Variants in GPC5 observed in about 807,000 individuals in gnomAD.
GPC5 encodes the protein glypican-5.
GPC5 carries 47 observed loss-of-function variants against 53.9 expected under a neutral mutation model. That is an observed-to-expected ratio of 0.87 (90% CI 0.69 to 1.11). GPC5 has a LOEUF of 1.11. GPC5 is among the 50% of genes most tolerant of loss of function. The pLI is 0.00. For synonymous variants in GPC5, 286 were observed against 263.3 expected, an observed-to-expected ratio of 1.09 and a Z score of -0.84; for missense variants, 748 against 713.1, an observed-to-expected ratio of 1.05 and a Z score of -0.56.
At chr13:92,766,324 C>G (rs1875403667) in intron 7 of GPC5, among the ~76,000 whole-genome samples, 2 of 147,214 alleles carry the variant, frequency 1.4e-5, no homozygotes, top group South Asian at 4.6e-4. Flanking sequence ...GTAGATCTTT[C>G]ATAAAAACCA....
intron 2 of GPC5, among the ~76,000 whole-genome samples, chr13:91,585,810 G>C (rs892921325): frequency 6.6e-6 from 1 of 152,146 alleles, no homozygotes. Context: ...TACGTCTTCT[G>C]AGGTTTTCTC....
At position 91,794,749 on chromosome 13, in the gene GPC5, G is replaced by A. The variant is rs543224062; in HGVS notation, c.1280+38329G>A. On this transcript the variant is annotated intron_variant, in intron 5 of 7. Transcript: ENST00000377067. ...ACCCTGGTTCAAGGACAAATCCTGAGTCTGCTCAAACAGTGCAGTGGGCTA... is the reference window on the plus strand; with the variant it reads ...ACCCTGGTTCAAGGACAAATCCTGAATCTGCTCAAACAGTGCAGTGGGCTA... Among the ~76,000 whole-genome samples, 16 of 152,334 alleles carry A rather than the reference G, an allele frequency of 1.1e-4. No homozygotes were observed. In the East Asian group the frequency reaches 3.1e-3, roughly 29 times the overall value.
chr13:92,027,887 A>G lies in GPC5; in HGVS notation c.1402-116943A>G, dbSNP rs1057342776. ...CTACCTTCCTTCCCCACCAAATACC[A>G]ATATGTCTTATCCCATCCCACCTAA... is the stretch of plus-strand genomic sequence containing the variant. On this transcript the variant is annotated intron_variant, in intron 6 of 7. Coordinates refer to ENST00000377067, the MANE Select transcript of GPC5 (RefSeq NM_004466.6). 1.6e-4 allele frequency among the ~76,000 whole-genome samples: 25 copies of G among 152,156 alleles called. 1 individual carries two copies. The highest frequency in any genetic ancestry group is 8.5e-4 in the Admixed American group (13 of 15,264).
intron 7 of GPC5, among the ~76,000 whole-genome samples, chr13:92,702,057 G>T (rs543601766): frequency 5.3e-5 from 8 of 152,198 alleles, no homozygotes; most frequent in East Asian, 3.9e-4. Context: ...ACTCTCCAGA[G>T]GAACTGAATG....
intron 1 of GPC5, among the ~76,000 whole-genome samples, chr13:91,412,723 G>C (rs1877901626): frequency 6.6e-6 from 1 of 152,174 alleles, no homozygotes; most frequent in Non-Finnish European, 1.5e-5. Flanking sequence ...GTAGGAAACA[G>C]AGCATTCTCA....
chr13:92,162,878 C>T (rs1257294569), intron 7 of GPC5, among the ~76,000 whole-genome samples: 1 of 152,102 alleles, frequency 6.6e-6, no homozygotes, highest in Admixed American at 6.6e-5. Flanking sequence ...CACCTGCTAA[C>T]TTTAGCACTT....
intron 5 of GPC5, among the ~76,000 whole-genome samples, chr13:91,869,134 A>G (rs565990466): frequency 6.6e-6 from 1 of 152,030 alleles, no homozygotes; most frequent in Admixed American, 6.6e-5. Flanking sequence ...ATCTTGGCTT[A>G]TTACAAGCTC....
chr13:92,811,650 G>A (rs1877303439), intron 7 of GPC5, among the ~76,000 whole-genome samples: 1 of 151,610 alleles, frequency 6.6e-6, no homozygotes, highest in South Asian at 2.1e-4. Context: ...TCTTTTCTGT[G>A]CCTTTAATGT....
chr13:92,374,375 T>A (rs1475201953), intron 7 of GPC5, among the ~76,000 whole-genome samples: 1 of 152,116 alleles, frequency 6.6e-6, no homozygotes, highest in East Asian at 1.9e-4. Context: ...TTCTGTAATG[T>A]AAATACTTCC....
chr13:91,756,791 T>A lies in GPC5; in HGVS notation c.1280+371T>A, dbSNP rs538253919. Among the ~76,000 whole-genome samples, 5 of 152,188 alleles carry A rather than the reference T, an allele frequency of 3.3e-5. No individual in the cohort carries two copies. In the East Asian group the frequency reaches 7.7e-4, roughly 23 times the overall value. Reference sequence around the variant, plus strand: ...TAGAAAGTGAGGAAATTCAGTGAAATGTGAATACCTATTCAAAGATTCATT... The same window carrying A: ...TAGAAAGTGAGGAAATTCAGTGAAAAGTGAATACCTATTCAAAGATTCATT... On this transcript the variant is annotated intron_variant, in intron 5 of 7. Coordinates refer to ENST00000377067, the MANE Select transcript of GPC5 (RefSeq NM_004466.6).
chr13:92,506,033 G>A lies in GPC5; in HGVS notation c.1562-360249G>A, dbSNP rs114417985. ...AATATAACTGTTCGGCCTTCTTTTC[G>A]GAGTTGGTGGCTACATCAGCATGGG... On this transcript the variant is annotated intron_variant, in intron 7 of 7. Coordinates refer to ENST00000377067, the MANE Select transcript of GPC5 (RefSeq NM_004466.6). 3.6e-3 allele frequency among the ~76,000 whole-genome samples: 553 copies of A among 152,222 alleles called. 1 individual carries two copies. Among genetic ancestry groups the A allele is most frequent in the African/African-American group, 0.012 (507 of 41,550 alleles).
chr13:92,602,546 C>T (rs1435524201), intron 7 of GPC5, among the ~76,000 whole-genome samples: 2 of 151,926 alleles, frequency 1.3e-5, no homozygotes, highest in African/African-American at 2.4e-5. Context: ...TATTTAGCAG[C>T]TTATTTCTTT....
At chr13:92,480,908 A>G (rs775149804) in intron 7 of GPC5, among the ~76,000 whole-genome samples, 33 of 150,544 alleles carry the variant, frequency 2.2e-4, no homozygotes, top group Middle Eastern at 3.4e-3. Context: ...ATGTGGATTA[A>G]GAAAGACTCA....
At position 91,781,337 on chromosome 13, in the gene GPC5, T is replaced by C. The variant is rs139715909; in HGVS notation, c.1280+24917T>C. Among the ~76,000 whole-genome samples the C allele has an allele frequency of 4.5e-3, 679 of 152,368 alleles. 4 individuals are homozygous for C. Among genetic ancestry groups the C allele is most frequent in the African/African-American group, 0.016 (657 of 41,588 alleles). ...AACAAAACACATGCTATACTTACGA[T>C]AGTGCGTATGCTGTACTGAGAATAG... is the stretch of plus-strand genomic sequence containing the variant. On this transcript the variant is annotated intron_variant, in intron 5 of 7. Coordinates refer to ENST00000377067, the MANE Select transcript of GPC5 (RefSeq NM_004466.6).
At chr13:91,514,158 A>G (rs1230862165) in intron 2 of GPC5, among the ~76,000 whole-genome samples, 1 of 152,196 alleles carries the variant, frequency 6.6e-6, no homozygotes, top group Non-Finnish European at 1.5e-5. Context: ...TCTGGTATAA[A>G]TTCCCAAGAG....
At chr13:92,695,989 G>A (rs1422059513) in intron 7 of GPC5, among the ~76,000 whole-genome samples, 1 of 152,070 alleles carries the variant, frequency 6.6e-6, no homozygotes, top group Non-Finnish European at 1.5e-5. Flanking sequence ...GAGAATGACA[G>A]TTTCCAGCCT....
At chr13:91,741,783 A>C (rs1482278990) in intron 4 of GPC5, among the ~76,000 whole-genome samples, 1 of 152,208 alleles carries the variant, frequency 6.6e-6, no homozygotes, top group Non-Finnish European at 1.5e-5. Context: ...ACTGGACTTA[A>C]TGATGAATTG....
intron 7 of GPC5, among the ~76,000 whole-genome samples, chr13:92,358,549 C>T (rs7331847): frequency 0.41 from 61,852 of 151,342 alleles, 13,263 homozygotes; most frequent in Middle Eastern, 0.51. Context: ...CTATGAGGGC[C>T]CTGCCCCTGC....
At chr13:92,815,991 C>T (rs1198915787) in intron 7 of GPC5, among the ~76,000 whole-genome samples, 1 of 151,792 alleles carries the variant, frequency 6.6e-6, no homozygotes, top group Non-Finnish European at 1.5e-5. Context: ...AAATAAAACC[C>T]TAGGGTTCTG....
Sources: gnomAD v4.1 joint callset for allele counts (sites outside exome capture counted in the v4.1 genomes callset) on GRCh38, gnomAD v4.1.1 for gene constraint, MANE v1.5 for transcripts, NCBI Gene and HGNC (gene_info 2026-07-23, HGNC 2026-07-21) for gene names.